Variants in RIMS2 observed in about 807,000 individuals in gnomAD.
RIMS2 encodes the protein regulating synaptic membrane exocytosis protein 2.
A neutral mutation model predicts 174.4 loss-of-function variants in RIMS2; 59 were observed. That is an observed-to-expected ratio of 0.34 (90% CI 0.27 to 0.42). RIMS2 has a LOEUF of 0.42. Among genes scored for constraint, RIMS2 ranks in the 10% least tolerant of loss-of-function variants. RIMS2 has a pLI of 1.00. For missense variants in RIMS2, 1,620 were observed against 1,666.3 expected (o/e 0.97, Z 0.48); for synonymous variants, 606 against 572.5 (o/e 1.06, Z -0.84).
chr8:104,019,068 C>T (rs2096010733), intron 19 of RIMS2, among the ~76,000 whole-genome samples: 2 of 152,018 alleles, frequency 1.3e-5, no homozygotes, highest in South Asian at 2.1e-4. Flanking sequence ...CATGGTGGTG[C>T]GTGCCTGTAG....
intron 2 of RIMS2, among the ~76,000 whole-genome samples, chr8:103,724,403 A>G: frequency 6.6e-6 from 1 of 152,116 alleles, no homozygotes; most frequent in East Asian, 1.9e-4. Context: ...TTATTTGTTA[A>G]AGAATATAAT....
In RIMS2 at chr8:103,605,440, A is replaced by G. The variant is rs898167588; in HGVS notation, c.177-91646A>G. On this transcript the variant is annotated intron_variant, in intron 1 of 23. Transcript: ENST00000504942. ...AGGATTTTTGCATCAATATTCATCA[A>G]GGGTATTGGTCTAAAATTCTCTTTT... is the stretch of plus-strand genomic sequence containing the variant. 3.5e-5 allele frequency among the ~76,000 whole-genome samples: 5 copies of G among 144,834 alleles called. No individual in the cohort carries two copies. In the South Asian group the frequency reaches 8.7e-4, roughly 25 times the overall value.
At chr8:104,232,262 T>G (rs921178785) in intron 19 of RIMS2, among the ~76,000 whole-genome samples, 3 of 152,254 alleles carry the variant, frequency 2.0e-5, no homozygotes, top group African/African-American at 7.2e-5. Flanking sequence ...GGGACCATAC[T>G]GATTAGGTGA....
intron 19 of RIMS2, among the ~76,000 whole-genome samples, chr8:104,118,197 A>C (rs912391950): frequency 3.3e-5 from 5 of 152,034 alleles, no homozygotes; most frequent in Non-Finnish European, 7.4e-5. Context: ...AAAATTTTAG[A>C]ATATTTTATA....
At chr8:104,087,209 A>C (rs2097550714) in intron 19 of RIMS2, among the ~76,000 whole-genome samples, 1 of 152,128 alleles carries the variant, frequency 6.6e-6, no homozygotes, top group Non-Finnish European at 1.5e-5. Context: ...AAATCATTCC[A>C]TTCATTTTGA....
At chr8:103,666,465 G>C (rs991443296) in intron 1 of RIMS2, among the ~76,000 whole-genome samples, 1 of 152,186 alleles carries the variant, frequency 6.6e-6, no homozygotes, top group African/African-American at 2.4e-5. Context: ...TATTTACTTG[G>C]TCTCAAATCT....
chr8:103,927,654 T>G (rs1390494788), intron 10 of RIMS2, among the ~76,000 whole-genome samples: 1 of 151,524 alleles, frequency 6.6e-6, no homozygotes, highest in Non-Finnish European at 1.5e-5. Context: ...TTTTTAATGT[T>G]TTTTGGCATT....
intron 13 of RIMS2, among the ~76,000 whole-genome samples, chr8:103,941,983 T>G (rs1411480917): frequency 2.6e-5 from 4 of 152,218 alleles, no homozygotes; most frequent in Non-Finnish European, 4.4e-5. Context: ...GGCACTTCAA[T>G]TGTAAGAGTT....
intron 19 of RIMS2, among the ~76,000 whole-genome samples, chr8:104,198,899 C>T (rs543334687): frequency 1.6e-4 from 25 of 152,272 alleles, no homozygotes; most frequent in Non-Finnish European, 2.8e-4. Context: ...TTATTTAATA[C>T]AAGTTTTACA....
chr8:103,746,096 C>A (rs1031581712), intron 2 of RIMS2, among the ~76,000 whole-genome samples: 2 of 152,106 alleles, frequency 1.3e-5, no homozygotes, highest in African/African-American at 4.8e-5. Flanking sequence ...ACATTGAGGT[C>A]TTTGATCCAT....
At chr8:103,642,725 A>C (rs574960307) in intron 1 of RIMS2, among the ~76,000 whole-genome samples, 1 of 152,088 alleles carries the variant, frequency 6.6e-6, no homozygotes, top group South Asian at 2.1e-4. Flanking sequence ...TTCTTTATTC[A>C]ACACTTTAGA....
At chr8:103,533,460 A>T (rs1312989827) in intron 1 of RIMS2, among the ~76,000 whole-genome samples, 1 of 152,152 alleles carries the variant, frequency 6.6e-6, no homozygotes, top group African/African-American at 2.4e-5. Context: ...TGGAACAATT[A>T]GTGGCAAGAA....
chr8:104,243,610 C>T lies in RIMS2; in HGVS notation c.3335-1306C>T, dbSNP rs575890540. 3.3e-4 allele frequency among the ~76,000 whole-genome samples: 50 copies of T among 152,126 alleles called. No homozygotes were observed. In the South Asian group the frequency reaches 8.5e-3, roughly 26 times the overall value. On this transcript the variant is annotated intron_variant, in intron 19 of 23. Transcript: ENST00000504942. ...CTGAGGCAGGAGAATCACTTGAACC[C>T]GGGAGGCGGAGGTTGCAGTGAGCAG...
intron 19 of RIMS2, among the ~76,000 whole-genome samples, chr8:104,097,850 T>C (rs2097789344): frequency 1.3e-5 from 2 of 152,202 alleles, no homozygotes; most frequent in Non-Finnish European, 2.9e-5. Context: ...CCATTACTTT[T>C]AATGGCCATT....
At chr8:103,594,125 A>C (rs2094389170) in intron 1 of RIMS2, among the ~76,000 whole-genome samples, 1 of 151,652 alleles carries the variant, frequency 6.6e-6, no homozygotes, top group Non-Finnish European at 1.5e-5. Flanking sequence ...TGTGCAGAAC[A>C]GTGAAAAATT....
chr8:103,865,325 C>T (rs2099079895), intron 3 of RIMS2, among the ~76,000 whole-genome samples: 1 of 129,396 alleles, frequency 7.7e-6, no homozygotes, highest in South Asian at 2.4e-4. Context: ...TGCTCTGTCT[C>T]CCAGGCTGGA....
At chr8:103,989,328 G>A (rs376934485) in exon 17 of RIMS2, 6 of 1,611,930 alleles carry the variant, frequency 3.7e-6, no homozygotes, top group Admixed American at 3.3e-5. Flanking sequence ...CAGGGGCTTC[G>A]AGGGACCCGC....
At position 104,077,782 on chromosome 8, in the gene RIMS2, T is replaced by C. The variant is rs182844947; in HGVS notation, c.3334+63167T>C. Among the ~76,000 whole-genome samples the C allele has an allele frequency of 1.0e-3, 157 of 151,038 alleles. 1 individual carries two copies. In the East Asian group the frequency reaches 0.021, roughly 21 times the overall value. On this transcript the variant is annotated intron_variant, in intron 19 of 23. Coordinates refer to ENST00000504942, the Ensembl canonical transcript of RIMS2. ...GAAGCAACAACTGTTCATTTATTCC[T>C]TGCCTCATTGGAAGAAATTCTCATC... is the stretch of plus-strand genomic sequence containing the variant.
At chr8:103,944,969 T>C (rs1425174634) in intron 14 of RIMS2, among the ~76,000 whole-genome samples, 1 of 152,054 alleles carries the variant, frequency 6.6e-6, no homozygotes, top group Non-Finnish European at 1.5e-5. Flanking sequence ...TAATGGAAGG[T>C]ACAAGTCAGA....
Sources: gnomAD v4.1 joint callset for allele counts (sites outside exome capture counted in the v4.1 genomes callset) on GRCh38, gnomAD v4.1.1 for gene constraint, MANE v1.5 for transcripts, NCBI Gene and HGNC (gene_info 2026-07-23, HGNC 2026-07-21) for gene names.